Variants in TSHZ3 observed in about 807,000 individuals in gnomAD.
TSHZ3 encodes teashirt zinc finger homeobox 3, also known as teashirt homolog 3.
A neutral mutation model predicts 64.5 loss-of-function variants in TSHZ3; 10 were observed. The ratio of observed to expected loss-of-function variants is 0.16; its 90% CI spans 0.10 to 0.26. TSHZ3 has a LOEUF of 0.26. TSHZ3 is among the 10% of genes least tolerant of loss of function. TSHZ3 has a pLI of 1.00. For missense variants in TSHZ3, 1,242 were observed against 1,421.7 expected (o/e 0.87, Z 2.03); for synonymous variants, 608 against 593.1 (o/e 1.03, Z -0.36).
chr19:31,235,715 T>A, intron 3 of TSHZ3, among the ~76,000 whole-genome samples: 1 of 142,538 alleles, frequency 7.0e-6, no homozygotes, highest in African/African-American at 2.6e-5. Flanking sequence ...TTTTTTTTTT[T>A]TTTTTTTTAA....
chr19:31,349,386 C>G lies in TSHZ3; in HGVS notation c.-167G>C. The G allele has an allele frequency of 8.3e-6, 4 of 482,646 alleles. No homozygotes were observed. The highest frequency in any genetic ancestry group is 3.9e-5 in the East Asian group (1 of 25,624). 29.9% of individuals were successfully genotyped at this position (482,646 alleles called of 1,614,324 possible). ...GCTGCTGCGCCCAGGCTCTCCGCGT[C>G]CCCCCCGCGCCGCGCTCCGCCGCGA... On this transcript the variant is annotated 5_prime_UTR_variant, in exon 1 of 2. Transcript: ENST00000240587.
chr19:31,187,224 T>A (rs575057575), intron 5 of TSHZ3, among the ~76,000 whole-genome samples: 221 of 152,222 alleles, frequency 1.5e-3, no homozygotes, highest in African/African-American at 3.9e-3. Context: ...ATAGTTTTTT[T>A]AAAAAATAAA....
intron 1 of TSHZ3, 91 bp downstream of exon 1, chr19:31,349,089 G>C (rs1180330022): frequency 4.8e-6 from 7 of 1,469,660 alleles, no homozygotes; most frequent in Non-Finnish European, 6.4e-6. Context: ...GCAGAAGAGC[G>C]GGGCGAGGAG....
intron 1 of TSHZ3, among the ~76,000 whole-genome samples, chr19:31,252,377 C>T (rs1232818027): frequency 2.0e-5 from 3 of 152,116 alleles, no homozygotes; most frequent in African/African-American, 7.2e-5. Context: ...AAGTCAGGGC[C>T]CACCTGGATA....
chr19:31,340,338 CAAAAAAAAAA>C (rs1160334453), intron 1 of TSHZ3, among the ~76,000 whole-genome samples: 1 of 32,764 alleles, frequency 3.1e-5, no homozygotes, highest in Non-Finnish European at 5.7e-5. Context: ...GCCTACAGTA[CAAAAAAAAAA>C]AAAAAAAAAA....
chr19:31,196,202 C>A (rs918545180), intron 5 of TSHZ3, among the ~76,000 whole-genome samples: 2 of 151,660 alleles, frequency 1.3e-5, no homozygotes, highest in Non-Finnish European at 3.0e-5. Context: ...ATCCATGAAG[C>A]AGTATAGCAG....
chr19:31,179,828 A>AGGT (rs61116795), intron 5 of TSHZ3, among the ~76,000 whole-genome samples: 91,494 of 147,042 alleles, frequency 0.62, 29,536 homozygotes, highest in African/African-American at 0.83. Flanking sequence ...GTGATGATGG[A>AGGT]GGTGGTGGTG....
chr19:31,280,712 G>A (rs1373505304), intron 1 of TSHZ3, among the ~76,000 whole-genome samples: 1 of 152,168 alleles, frequency 6.6e-6, no homozygotes, highest in African/African-American at 2.4e-5. Context: ...CTGTCTTTCT[G>A]GAAGCGATGT....
At chr19:31,203,600 C>CCAG (rs1283918676) in intron 5 of TSHZ3, among the ~76,000 whole-genome samples, 2 of 152,132 alleles carry the variant, frequency 1.3e-5, no homozygotes, top group African/African-American at 4.8e-5. Context: ...AGTCTCAGAT[C>CCAG]CAGCCCTCGG....
chr19:31,231,725 G>T (rs183921428), intron 3 of TSHZ3, among the ~76,000 whole-genome samples: 1 of 152,064 alleles, frequency 6.6e-6, no homozygotes, highest in African/African-American at 2.4e-5. Flanking sequence ...CTTTATAGGG[G>T]AGGAAATGGA....
chr19:31,345,567 T>C (rs569684536), intron 1 of TSHZ3, among the ~76,000 whole-genome samples: 1 of 152,334 alleles, frequency 6.6e-6, no homozygotes, highest in Non-Finnish European at 1.5e-5. Flanking sequence ...GTCAAGATGC[T>C]TGAAGATTTA....
intron 1 of TSHZ3, among the ~76,000 whole-genome samples, chr19:31,283,797 C>T (rs566061398): frequency 3.3e-5 from 5 of 152,302 alleles, no homozygotes; most frequent in East Asian, 3.9e-4. Context: ...GAGCTTGACA[C>T]GCAAAGCCCC....
intron 1 of TSHZ3, among the ~76,000 whole-genome samples, chr19:31,310,591 T>C (rs571918896): frequency 7.9e-5 from 12 of 152,226 alleles, no homozygotes; most frequent in African/African-American, 2.9e-4. Context: ...TCAGAATGAA[T>C]GCAGGGAAAG....
At chr19:31,219,540 T>A (rs1975373382) in intron 4 of TSHZ3, among the ~76,000 whole-genome samples, 2 of 152,164 alleles carry the variant, frequency 1.3e-5, no homozygotes, top group South Asian at 4.2e-4. Flanking sequence ...TGTTCTATAT[T>A]TCCTTGTCCA....
intron 1 of TSHZ3, among the ~76,000 whole-genome samples, chr19:31,269,835 G>A (rs1976109539): frequency 6.6e-6 from 1 of 152,150 alleles, no homozygotes; most frequent in Non-Finnish European, 1.5e-5. Flanking sequence ...CTGATGCCTG[G>A]GGCTTCAAAG....
In TSHZ3 at chr19:31,337,720, A is replaced by AACACACACACACACACAC. The variant is rs372251116; in HGVS notation, c.40+11442_40+11459dup. On this transcript the variant is annotated intron_variant, in intron 1 of 1. Transcript: ENST00000240587. ...CTGCGAATAAAGTTATTTCAAAATA[A>AACACACACACACACACAC]ACACACACACACACACACACACACA... Among the ~76,000 whole-genome samples, 615 of 146,054 alleles carry AACACACACACACACACAC rather than the reference A, an allele frequency of 4.2e-3. 5 individuals carry two copies. Among genetic ancestry groups the AACACACACACACACACAC allele is most frequent in the African/African-American group, 0.014 (536 of 39,502 alleles).
chr19:31,265,538 G>C (rs1260069051), intron 1 of TSHZ3, among the ~76,000 whole-genome samples: 1 of 152,064 alleles, frequency 6.6e-6, no homozygotes, highest in African/African-American at 2.4e-5. Flanking sequence ...GCCACTCCTT[G>C]AGGAATTTGA....
rs1976230429 is a variant in TSHZ3 at position 31,276,303 on chromosome 19, C to T, written c.*244G>A. The T allele has an allele frequency of 2.8e-6, 1 of 360,834 alleles. No homozygotes were observed. Among genetic ancestry groups the T allele is most frequent in the Non-Finnish European group, 5.0e-6 (1 of 201,408 alleles). The allele number at this position is 360,834 out of a possible 1,614,324, so 22.4% of individuals were successfully genotyped here. ...ATCGGGAGGATGCTCACAACTAAAT[C>T]CCGTTTACACAAAGTTCCAAACACT... On this transcript the variant is annotated 3_prime_UTR_variant, in exon 2 of 2. Coordinates refer to ENST00000240587, the MANE Select transcript of TSHZ3 (RefSeq NM_020856.4).
chr19:31,193,062 GTGT>G (rs1452380310), intron 5 of TSHZ3, among the ~76,000 whole-genome samples: 1 of 152,136 alleles, frequency 6.6e-6, no homozygotes, highest in Non-Finnish European at 1.5e-5. Context: ...CCCAGTGCCT[GTGT>G]GGCACAGGGA....
Sources: gnomAD v4.1 joint callset for allele counts (sites outside exome capture counted in the v4.1 genomes callset) on GRCh38, gnomAD v4.1.1 for gene constraint, MANE v1.5 for transcripts, NCBI Gene and HGNC (gene_info 2026-07-23, HGNC 2026-07-21) for gene names.